SLCO5A1: variants seen among roughly 807,000 people sequenced by gnomAD.
SLCO5A1 encodes organic anion transporter polypeptide-related protein 4.
A neutral mutation model predicts 65.1 loss-of-function variants in SLCO5A1; 39 were observed. The observed-to-expected ratio is 0.60, with a 90% confidence interval of 0.46 to 0.78. The LOEUF (loss-of-function observed/expected upper bound fraction) is 0.78, where lower values mean the gene tolerates loss of function less well. Among genes scored for constraint, SLCO5A1 ranks in the 30% least tolerant of loss-of-function variants. The pLI is 0.00. For synonymous variants in SLCO5A1, 438 were observed against 415.7 expected (o/e 1.05, Z -0.65); for missense variants, 1,029 against 1,069.4 (o/e 0.96, Z 0.53).
chr8:69,693,540 G>T (rs1814364636), intron 6 of SLCO5A1, among the ~76,000 whole-genome samples: 1 of 152,082 alleles, frequency 6.6e-6, no homozygotes, highest in Non-Finnish European at 1.5e-5. Context: ...TCAAAATAGT[G>T]TAATAATCAA....
intron 5 of SLCO5A1, among the ~76,000 whole-genome samples, chr8:69,728,392 T>C (rs1282844326): frequency 2.0e-5 from 3 of 152,182 alleles, no homozygotes; most frequent in Admixed American, 2.0e-4. Flanking sequence ...ACCATATAAA[T>C]GTTTTATATA....
chr8:69,790,257 G>T (rs1586803157), intron 2 of SLCO5A1, among the ~76,000 whole-genome samples: 1 of 150,980 alleles, frequency 6.6e-6, no homozygotes, highest in Non-Finnish European at 1.5e-5. Flanking sequence ...AATGCTTGAA[G>T]GGATGTATAC....
chr8:69,758,800 G>A (rs936229403), intron 3 of SLCO5A1, among the ~76,000 whole-genome samples: 1 of 152,234 alleles, frequency 6.6e-6, no homozygotes. Flanking sequence ...GTTGGAAAAA[G>A]ACACATCAAT....
intron 2 of SLCO5A1, among the ~76,000 whole-genome samples, chr8:69,804,559 G>T (rs201644358): frequency 6.6e-6 from 1 of 152,076 alleles, no homozygotes; most frequent in Non-Finnish European, 1.5e-5. Flanking sequence ...CAGGTGATCC[G>T]CCCACCTTGG....
chr8:69,738,249 T>A (rs1271409642), intron 4 of SLCO5A1, 45 bp from the exon 5 acceptor site: 1 of 1,508,588 alleles, frequency 6.6e-7, no homozygotes, highest in African/African-American at 1.4e-5. Context: ...AAACAATGGA[T>A]GGAAAACAAA....
intron 2 of SLCO5A1, among the ~76,000 whole-genome samples, chr8:69,780,286 C>G (rs1818736758): frequency 1.3e-5 from 2 of 152,170 alleles, no homozygotes; most frequent in African/African-American, 4.8e-5. Context: ...TTTGACCTAG[C>G]AATCCCACTA....
intron 4 of SLCO5A1, among the ~76,000 whole-genome samples, chr8:69,753,144 G>A (rs1036393052): frequency 1.3e-4 from 20 of 152,116 alleles, no homozygotes; most frequent in Admixed American, 3.3e-4. Context: ...ACAAGAGTTC[G>A]CATCTAAGTA....
chr8:69,720,888 C>T lies in SLCO5A1; in HGVS notation c.1424-15659G>A, dbSNP rs529053161. Among the ~76,000 whole-genome samples the T allele has an allele frequency of 6.0e-4, 91 of 152,264 alleles. 1 individual carries two copies. Among genetic ancestry groups the T allele is most frequent in the African/African-American group, 2.1e-3 (88 of 41,550 alleles). The stretch of plus-strand genomic sequence containing the variant: ...CAGACAGTGTCTATTACACTAGTCA[C>T]CTCTGTTGTTGTAGTGTAATGGACA... On this transcript the variant is annotated intron_variant, in intron 5 of 9. Transcript: ENST00000260126.
At chr8:69,765,234 GCACACATATA>G (rs1249846357) in intron 2 of SLCO5A1, among the ~76,000 whole-genome samples, 1 of 151,356 alleles carries the variant, frequency 6.6e-6, no homozygotes, top group East Asian at 1.9e-4. Context: ...ACACACAATG[GCACACATATA>G]CACACATATA....
At chr8:69,826,161 T>A (rs1442812621) in intron 2 of SLCO5A1, among the ~76,000 whole-genome samples, 1 of 152,168 alleles carries the variant, frequency 6.6e-6, no homozygotes, top group African/African-American at 2.4e-5. Flanking sequence ...ATGTTAGACC[T>A]AAAACCATAA....
At chr8:69,755,676 C>A (rs368796010) in intron 3 of SLCO5A1, 35 bp from the exon 4 acceptor site, 57 of 1,556,596 alleles carry the variant, frequency 3.7e-5, no homozygotes, top group Non-Finnish European at 4.9e-5. Context: ...GCATTTACGT[C>A]TTTTCTTTTG....
At chr8:69,781,806 C>T (rs1453282547) in intron 2 of SLCO5A1, among the ~76,000 whole-genome samples, 2 of 152,012 alleles carry the variant, frequency 1.3e-5, no homozygotes, top group East Asian at 3.9e-4. Flanking sequence ...TACAGGCATA[C>T]ACCACCACAC....
At chr8:69,800,577 T>G (rs1330059450) in intron 2 of SLCO5A1, among the ~76,000 whole-genome samples, 3 of 152,076 alleles carry the variant, frequency 2.0e-5, no homozygotes, top group South Asian at 4.1e-4. Context: ...ATTTACCAGA[T>G]AGCTGTTCTC....
chr8:69,724,917 C>A (rs1003236046), intron 5 of SLCO5A1, among the ~76,000 whole-genome samples: 1 of 152,046 alleles, frequency 6.6e-6, no homozygotes, highest in Non-Finnish European at 1.5e-5. Context: ...AATTATCTAC[C>A]CTGCCTCTTA....
At chr8:69,676,182 C>G (rs965493727) in intron 9 of SLCO5A1, among the ~76,000 whole-genome samples, 1 of 152,144 alleles carries the variant, frequency 6.6e-6, no homozygotes, top group African/African-American at 2.4e-5. Flanking sequence ...TAGGTATACT[C>G]TTTGTTTAGT....
chr8:69,751,293 T>C (rs1005864510), intron 4 of SLCO5A1, among the ~76,000 whole-genome samples: 4 of 152,208 alleles, frequency 2.6e-5, no homozygotes, highest in Admixed American at 2.6e-4. Flanking sequence ...TTTTTATTGG[T>C]AAGATTTTTG....
chr8:69,715,531 G>T (rs1043864812), intron 5 of SLCO5A1, among the ~76,000 whole-genome samples: 1 of 152,052 alleles, frequency 6.6e-6, no homozygotes, highest in African/African-American at 2.4e-5. Context: ...TCGTCATGAC[G>T]CCCACTAATA....
Position 69,672,750 on chromosome 8 carries a change from G to T in SLCO5A1, c.*119C>A. 1 of 1,133,294 alleles carries T rather than the reference G, an allele frequency of 8.8e-7. No homozygotes were observed. Among genetic ancestry groups the T allele is most frequent in the South Asian group, 1.7e-5 (1 of 60,260 alleles). The allele number at this position is 1,133,294 out of a possible 1,614,324, so 70.2% of individuals were successfully genotyped here. Reference sequence around the variant, plus strand: ...CGGCTGTGTATACTGAGTTTTGTTGGTTTGAGGATTGTGTCTGTAGAGGTT... The same window carrying T: ...CGGCTGTGTATACTGAGTTTTGTTGTTTTGAGGATTGTGTCTGTAGAGGTT... On this transcript the variant is annotated 3_prime_UTR_variant, in exon 10 of 10. Coordinates refer to ENST00000260126, the MANE Select transcript of SLCO5A1 (RefSeq NM_030958.3).
intron 5 of SLCO5A1, among the ~76,000 whole-genome samples, chr8:69,727,905 G>A (rs1335076585): frequency 6.6e-6 from 1 of 152,182 alleles, no homozygotes; most frequent in African/African-American, 2.4e-5. Flanking sequence ...TTCTCTGCCA[G>A]CGCAAACGCA....
Sources: allele counts gnomAD v4.1 joint callset (sites outside exome capture counted in the v4.1 genomes callset), GRCh38; gene constraint gnomAD v4.1.1; transcripts MANE v1.5; gene names NCBI Gene and HGNC (gene_info 2026-07-23, HGNC 2026-07-21).